MSRA: variants seen among roughly 807,000 people sequenced by gnomAD.
The protein encoded by MSRA is mitochondrial peptide methionine sulfoxide reductase.
MSRA carries 54 observed loss-of-function variants against 31.3 expected under a neutral mutation model. That is an observed-to-expected ratio of 1.73 (90% confidence interval 1.39 to 2.17). MSRA has a LOEUF of 2.17. MSRA is among the 30% of genes most tolerant of loss of function. MSRA has a pLI of 0.00. For missense variants in MSRA, 507 were observed against 300.9 expected (o/e 1.69, Z -5.07); for synonymous variants, 169 against 116.5 (o/e 1.45, Z -2.90).
intron 2 of MSRA, among the ~76,000 whole-genome samples, chr8:10,208,127 C>G (rs957607367): frequency 1.3e-5 from 2 of 152,084 alleles, no homozygotes; most frequent in African/African-American, 2.4e-5. Flanking sequence ...AACCACGTAT[C>G]AAACTGAGTA....
At chr8:10,087,285 C>T (rs1798609868) in intron 1 of MSRA, among the ~76,000 whole-genome samples, 1 of 151,998 alleles carries the variant, frequency 6.6e-6, no homozygotes, top group Non-Finnish European at 1.5e-5. Context: ...TTCCTGTGTC[C>T]CTGGGAGAGC....
rs117170915 is a variant in MSRA, at chr8:10,110,513, A to G, written c.142+55855A>G. On this transcript the variant is annotated intron_variant, in intron 1 of 5. Transcript: ENST00000317173. ...AGTGCAAACAAGACCACCGCTTCCTATTTGTGTCATTGTCTGGCAAGTGCC... is the reference window on the plus strand; with the variant it reads ...AGTGCAAACAAGACCACCGCTTCCTGTTTGTGTCATTGTCTGGCAAGTGCC... Among the ~76,000 whole-genome samples, 21 of 152,212 alleles carry G rather than the reference A, an allele frequency of 1.4e-4. 1 individual carries two copies. The East Asian group carries it at 4.1e-3, about 29-fold the overall frequency.
intron 2 of MSRA, among the ~76,000 whole-genome samples, chr8:10,230,972 A>G (rs1016023155): frequency 5.9e-5 from 9 of 152,170 alleles, no homozygotes; most frequent in Admixed American, 5.2e-4. Flanking sequence ...TTTAGTAGAG[A>G]TAGGGTTTCA....
At chr8:10,301,846 C>A (rs892110619) in intron 4 of MSRA, among the ~76,000 whole-genome samples, 1 of 152,092 alleles carries the variant, frequency 6.6e-6, no homozygotes, top group Non-Finnish European at 1.5e-5. Flanking sequence ...CCCCTGCCCC[C>A]CTTACAGCTG....
chr8:10,311,970 G>A (rs2129132466), intron 4 of MSRA, among the ~76,000 whole-genome samples: 1 of 152,282 alleles, frequency 6.6e-6, no homozygotes, highest in Non-Finnish European at 1.5e-5. Context: ...GATGGAAATT[G>A]TAAAATACTT....
At chr8:10,108,662 G>A (rs1000146905) in intron 1 of MSRA, among the ~76,000 whole-genome samples, 8 of 152,204 alleles carry the variant, frequency 5.3e-5, no homozygotes, top group Admixed American at 1.3e-4. Flanking sequence ...AGCAATTGGC[G>A]AGGCTGTTTC....
chr8:10,098,494 A>C (rs1226810481), intron 1 of MSRA, among the ~76,000 whole-genome samples: 1 of 152,208 alleles, frequency 6.6e-6, no homozygotes, highest in African/African-American at 2.4e-5. Context: ...TCACTTAAAT[A>C]TGCTAATATT....
At chr8:10,109,474 T>C (rs1282351375) in intron 1 of MSRA, among the ~76,000 whole-genome samples, 1 of 152,008 alleles carries the variant, frequency 6.6e-6, no homozygotes, top group East Asian at 1.9e-4. Flanking sequence ...CCCAATTAGC[T>C]GGGGCAACAG....
Position 10,157,555 on chromosome 8 carries a change from G to A in MSRA, c.143-50278G>A, listed in dbSNP as rs1052316009. Among the ~76,000 whole-genome samples, 18 of 152,166 alleles carry A rather than the reference G, an allele frequency of 1.2e-4. No individual in the cohort carries two copies. In the East Asian group the frequency reaches 1.7e-3, roughly 15 times the overall value. ...GGCTGGAGTAGGGGCTGGGTTATTA[G>A]GGGTCTGTAGGCAATGTTAGGGCTT... On this transcript the variant is annotated intron_variant, in intron 1 of 5. Transcript: ENST00000317173.
intron 1 of MSRA, among the ~76,000 whole-genome samples, chr8:10,076,579 C>T (rs376418364): frequency 1.3e-4 from 20 of 152,172 alleles, no homozygotes; most frequent in African/African-American, 4.3e-4. Flanking sequence ...TCGCTTCTTG[C>T]AGGCAGTGTT....
chr8:10,318,548 C>T (rs565379192), intron 4 of MSRA, among the ~76,000 whole-genome samples: 2 of 152,306 alleles, frequency 1.3e-5, no homozygotes, highest in Admixed American at 1.3e-4. Context: ...ATTCTATCAT[C>T]AATAACATTT....
At chr8:10,128,176 G>C (rs778465682) in intron 1 of MSRA, among the ~76,000 whole-genome samples, 31 of 152,046 alleles carry the variant, frequency 2.0e-4, no homozygotes, top group Non-Finnish European at 2.6e-4. Flanking sequence ...TCAGGAGTTC[G>C]AGACCAGCCT....
At chr8:10,093,849 CCTT>C (rs2128928691) in intron 1 of MSRA, among the ~76,000 whole-genome samples, 1 of 152,262 alleles carries the variant, frequency 6.6e-6, no homozygotes, top group African/African-American at 2.4e-5. Context: ...CTTAATGTCT[CCTT>C]CATTTTCAAA....
rs117589396 is a variant in MSRA at position 10,224,835 on chromosome 8, C to G, written c.211+16934C>G. Among the ~76,000 whole-genome samples the G allele has an allele frequency of 3.9e-5, 6 of 152,306 alleles. No homozygotes were observed. In the East Asian group the frequency reaches 1.2e-3, roughly 29 times the overall value. ...CTGCAGAACCTAATTTCAATCTACT[C>G]TCCTAGCCTTTTTTAAATGAACACT... is the stretch of plus-strand genomic sequence containing the variant. On this transcript the variant is annotated intron_variant, in intron 2 of 5. Transcript: ENST00000317173.
At chr8:10,400,378 T>TGTGTGTGTGTGTGTA (rs58129201) in intron 5 of MSRA, among the ~76,000 whole-genome samples, 1,650 of 110,330 alleles carry the variant, frequency 0.015, 26 homozygotes, top group African/African-American at 0.045. Flanking sequence ...TGTGTGTGTG[T>TGTGTGTGTGTGTGTA]GTGTGTAGTG....
rs1799560014 is a variant in MSRA, at chr8:10,101,997, TG to T, written c.142+47340del. On this transcript the variant is annotated intron_variant, in intron 1 of 5. Coordinates refer to ENST00000317173, the MANE Select transcript of MSRA (RefSeq NM_012331.5). ...CCTTTGTGTTTTCTGATGAGAAATC[TG>T]CTGTCATTTGAATTGTTTTGCCCTT... Among the ~76,000 whole-genome samples, 3 of 152,344 alleles carry T rather than the reference TG, an allele frequency of 2.0e-5. No individual in the cohort carries two copies. In the South Asian group the frequency reaches 6.2e-4, roughly 32 times the overall value.
rs184775223 is a variant in MSRA, at chr8:10,408,066, A to C, written c.544-20082A>C. Among the ~76,000 whole-genome samples the C allele has an allele frequency of 8.6e-3, 1,312 of 152,254 alleles. 9 individuals carry two copies. Among genetic ancestry groups the C allele is most frequent in the South Asian group, 0.022 (106 of 4,822 alleles). ...TTCTAATTTTGTTTCAAGAGTAATC[A>C]CGAGACCAGGAGCACTAGCAGGAAA... On this transcript the variant is annotated intron_variant, in intron 5 of 5. Coordinates refer to ENST00000317173, the MANE Select transcript of MSRA (RefSeq NM_012331.5).
At chr8:10,075,569 T>G (rs1797959084) in intron 1 of MSRA, among the ~76,000 whole-genome samples, 1 of 152,238 alleles carries the variant, frequency 6.6e-6, no homozygotes, top group Non-Finnish European at 1.5e-5. Context: ...GTGAAAGAAA[T>G]GGCTCCCAGT....
intron 5 of MSRA, chr8:10,337,684 C>G (rs534140804): frequency 1.0e-5 from 7 of 701,926 alleles, no homozygotes; most frequent in African/African-American, 1.7e-5. Flanking sequence ...TCATCTTGAA[C>G]CTTATACTCC....
Sources: gnomAD v4.1 joint callset for allele counts (sites outside exome capture counted in the v4.1 genomes callset) on GRCh38, gnomAD v4.1.1 for gene constraint, MANE v1.5 for transcripts, NCBI Gene and HGNC (gene_info 2026-07-23, HGNC 2026-07-21) for gene names.